CFAP43: variants seen among roughly 807,000 people sequenced by gnomAD.
The protein encoded by CFAP43 is cilia and flagella associated protein 43, also known as cilia- and flagella-associated protein 43.
CFAP43 carries 155 observed loss-of-function variants against 218.9 expected under a neutral mutation model. That is an observed-to-expected ratio of 0.71 (90% CI 0.62 to 0.81). The LOEUF (loss-of-function observed/expected upper bound fraction) is 0.81. Ranked by LOEUF, CFAP43 falls within the 30% of genes least tolerant of loss-of-function variation. CFAP43 has a pLI of 0.00. For missense variants in CFAP43, 1,778 were observed against 1,954.3 expected, an observed-to-expected ratio of 0.91 and a Z score of 1.70; for synonymous variants, 645 against 681.3, an observed-to-expected ratio of 0.95 and a Z score of 0.83.
Position 104,140,948 on chromosome 10 carries a change from A to G in CFAP43, c.4325T>C (p.Leu1442Pro). The G allele has an allele frequency of 1.9e-6, 3 of 1,613,448 alleles. No individual in the cohort carries two copies. The highest frequency in any genetic ancestry group is 2.5e-6 in the Non-Finnish European group (3 of 1,179,820). The stretch of plus-strand genomic sequence containing the variant: ...TTCCAGTTCTACTTGTCCTTGTTTA[A>G]GAAGAATTTGGATTGTCAAATTCAA... ...FQLNLTIQIL[L>P]KQGQVELENF... Residue 1442 changes from leucine to proline, a missense_variant, in exon 34 of 38, where the codon CTT becomes CCT. Transcript: ENST00000357060.
chr10:104,220,461 G>T (rs555473432), intron 3 of CFAP43, among the ~76,000 whole-genome samples: 1 of 152,004 alleles, frequency 6.6e-6, no homozygotes, highest in East Asian at 1.9e-4. Context: ...CCTACTACAG[G>T]TTCCCATTGT....
In CFAP43 at chr10:104,140,844, G is replaced by A. The variant is rs147241052; in HGVS notation, c.4429C>T (p.Arg1477Trp). Reference protein sequence around the residue: ...NIIEDLNSVIRTQGQKKVASM... With the variant: ...NIIEDLNSVIWTQGQKKVASM... ...ATAAAAATAAAAAGTATAATTACCC[G>A]AATCACAGAATTCAAGTCTTCAATT... The change falls in exon 34 of 38, where the codon CGG becomes TGG. Residue 1477 changes from arginine to tryptophan, a missense_variant and splice_region_variant. Arg to Trp is a moderately radical substitution (Grantham distance 101, BLOSUM62 -3). Around this residue, in one of 3 missense-constraint regions of CFAP43, gnomAD observed 211 missense variants for 230.6 expected, o/e 0.91. Transcript: ENST00000357060. 110 of 1,591,260 alleles carry A rather than the reference G, an allele frequency of 6.9e-5. No homozygotes were observed. The African/African-American group carries it at 1.2e-3, about 17-fold the overall frequency.
Position 104,167,740 on chromosome 10 carries a change from T to C in CFAP43, c.2692-3A>G. The C allele has an allele frequency of 6.3e-7, 1 of 1,597,082 alleles. No homozygotes were observed. The highest frequency in any genetic ancestry group is 1.3e-5 in the African/African-American group (1 of 74,126). On this transcript the variant is annotated splice_region_variant and splice_polypyrimidine_tract_variant and intron_variant, in intron 21 of 37. Transcript: ENST00000357060. ...ACCACACAGGGGATATGAAAACACT[T>C]GGGGAAAAAAACGCAAGACAAAATA...
chr10:104,228,545 G>A (rs149248406), intron 2 of CFAP43, among the ~76,000 whole-genome samples: 9 of 152,178 alleles, frequency 5.9e-5, no homozygotes, highest in African/African-American at 1.9e-4. Context: ...GGAATCATTT[G>A]AGTACTCCTT....
intron 34 of CFAP43, 91 bp from the exon 35 acceptor site, chr10:104,133,875 T>A (rs1023624224): frequency 2.5e-6 from 3 of 1,202,632 alleles, no homozygotes; most frequent in Non-Finnish European, 3.4e-6. Context: ...TAGAAAATAC[T>A]TGGGTCACAG....
chr10:104,195,435 T>C (rs1426592138), intron 10 of CFAP43, among the ~76,000 whole-genome samples: 1 of 152,234 alleles, frequency 6.6e-6, no homozygotes, highest in South Asian at 2.1e-4. Context: ...TGAATACATA[T>C]AACCCTTGGT....
Position 104,166,476 on chromosome 10 carries a change from A to G in CFAP43, c.3039+12T>C. On this transcript the variant is annotated intron_variant, in intron 23 of 37. Coordinates refer to ENST00000357060, the MANE Select transcript of CFAP43 (RefSeq NM_025145.7). ...CTAGAGATTTTTCAGGATAAAAAGAAAATTGACCCACTTTCAATAATATAA... is the reference window on the plus strand; with the variant it reads ...CTAGAGATTTTTCAGGATAAAAAGAGAATTGACCCACTTTCAATAATATAA... 1 of 1,601,360 alleles carries G rather than the reference A, an allele frequency of 6.2e-7. No homozygotes were observed. Among genetic ancestry groups the G allele is most frequent in the Non-Finnish European group, 8.5e-7 (1 of 1,172,444 alleles).
chr10:104,133,863 TTTAGA>T (rs1193201094), intron 34 of CFAP43, 79 bp from the exon 35 acceptor site: 3 of 1,284,104 alleles, frequency 2.3e-6, no homozygotes, highest in East Asian at 4.8e-5. Context: ...GAATGCTATT[TTTAGA>T]AAATACTTGG....
intron 35 of CFAP43, chr10:104,132,614 CA>C (rs968963420): frequency 5.1e-6 from 5 of 980,948 alleles, no homozygotes; most frequent in African/African-American, 3.5e-5. Flanking sequence ...AACCCCATCT[CA>C]AAAAAAACAA....
At chr10:104,164,420 T>C in intron 23 of CFAP43, 120 bp from the exon 24 acceptor site, 2 of 734,118 alleles carry the variant, frequency 2.7e-6, no homozygotes, top group Non-Finnish European at 4.3e-6. Context: ...TTTTTTGAGA[T>C]GCAGTCTCGC....
chr10:104,179,730 G>A, intron 18 of CFAP43, 110 bp downstream of exon 18: 1 of 792,254 alleles, frequency 1.3e-6, no homozygotes. Context: ...GCTCTGCCAA[G>A]TGGTGTCTCA....
At chr10:104,194,792 G>T (rs2090337905) in intron 10 of CFAP43, among the ~76,000 whole-genome samples, 1 of 152,114 alleles carries the variant, frequency 6.6e-6, no homozygotes, top group Non-Finnish European at 1.5e-5. Context: ...GACTGAAAAA[G>T]AACATAAGAG....
At position 104,166,602 on chromosome 10, in the gene CFAP43, G is replaced by A. The variant is rs1164011472; in HGVS notation, c.2925C>T (p.Pro975=). Residue 975 remains proline, a synonymous_variant, in exon 23 of 38, where the codon CCC becomes CCT. Coordinates refer to ENST00000357060, the MANE Select transcript of CFAP43 (RefSeq NM_025145.7). ...EDKTVKYSNL[P]NYLLGSLSTD... Reference sequence around the variant, plus strand: ...TACTCAGACTACCAAGCAGGTAATTGGGCAAATTGCTATATTTTACTGTCT... The same window carrying A: ...TACTCAGACTACCAAGCAGGTAATTAGGCAAATTGCTATATTTTACTGTCT... 3 of 1,613,862 alleles carry A rather than the reference G, an allele frequency of 1.9e-6. No individual in the cohort carries two copies. Among genetic ancestry groups the A allele is most frequent in the African/African-American group, 1.3e-5 (1 of 74,866 alleles).
At chr10:104,151,993 C>T (rs188772215) in intron 28 of CFAP43, among the ~76,000 whole-genome samples, 1 of 152,312 alleles carries the variant, frequency 6.6e-6, no homozygotes, top group East Asian at 1.9e-4. Flanking sequence ...ACTCTTTGAT[C>T]TTCTTGCTTT....
At chr10:104,172,622 C>T in intron 19 of CFAP43, 87 bp from the exon 20 acceptor site, 1 of 1,175,394 alleles carries the variant, frequency 8.5e-7, no homozygotes, top group South Asian at 1.8e-5. Context: ...AGGCAGCAAT[C>T]AATAAAAAAT....
intron 3 of CFAP43, among the ~76,000 whole-genome samples, chr10:104,214,822 T>C (rs915756453): frequency 2.6e-5 from 4 of 152,208 alleles, no homozygotes; most frequent in African/African-American, 7.2e-5. Context: ...TCGATGCCAA[T>C]TGATCATTTA....
rs527847414 is a variant in CFAP43, at chr10:104,212,071, T to C, written c.671A>G (p.Tyr224Cys). ...GGCTGACAGTGGCAGCACGGGACCATAGATGAGATCTTTCGGCAACGACTG... is the reference window on the plus strand; with the variant it reads ...GGCTGACAGTGGCAGCACGGGACCACAGATGAGATCTTTCGGCAACGACTG... ...FPQSLPKDLI[Y>C]GPVLPLSAIA... The change falls in exon 5 of 38, where the codon TAT becomes TGT. Residue 224 changes from tyrosine (Y) to cysteine (C), a missense_variant. Physicochemically the swap from Tyr to Cys is radical, Grantham distance 194 (BLOSUM62 -2). Transcript: ENST00000357060. 209 of 1,613,884 alleles carry C rather than the reference T, an allele frequency of 1.3e-4. 2 individuals carry two copies. The South Asian group carries it at 2.0e-3, about 16-fold the overall frequency.
chr10:104,211,126 C>T (rs2090849865), intron 5 of CFAP43, among the ~76,000 whole-genome samples: 1 of 152,118 alleles, frequency 6.6e-6, no homozygotes, highest in African/African-American at 2.4e-5. Context: ...TAAGTGTCAT[C>T]TCCCCAGAGG....
At chr10:104,188,182 C>T (rs2090092052) in intron 13 of CFAP43, 88 bp downstream of exon 13, 1 of 1,526,638 alleles carries the variant, frequency 6.6e-7, no homozygotes, top group Non-Finnish European at 8.8e-7. Context: ...TCTTCACATG[C>T]CAAGATAAAA....
Sources: gnomAD v4.1 joint callset for allele counts (sites outside exome capture counted in the v4.1 genomes callset) on GRCh38, gnomAD v4.1.1 for gene constraint, gnomAD v4.1.1 regional missense constraint, MANE v1.5 for transcripts, NCBI Gene and HGNC (gene_info 2026-07-23, HGNC 2026-07-21) for gene names.